The following PCDHA1 variants were observed in gnomAD, a reference collection of about 807,000 sequenced individuals.
PCDHA1 encodes the protein protocadherin alpha-1.
In PCDHA1, 42 loss-of-function variants were observed where a neutral mutation model predicts 61.3. That is an observed-to-expected ratio of 0.69 (90% CI 0.54 to 0.89). The LOEUF is 0.89. Ranked by LOEUF, PCDHA1 falls within the 40% of genes least tolerant of loss-of-function variation. The pLI is 0.00. For synonymous variants in PCDHA1, 610 were observed against 553.8 expected, an observed-to-expected ratio of 1.10 and a Z score of -1.43; for missense variants, 1,256 against 1,235.3, an observed-to-expected ratio of 1.02 and a Z score of -0.25.
In PCDHA1 at chr5:140,804,949, C is replaced by T. The variant is rs571726219; in HGVS notation, c.2394+16265C>T. ...GCACTATCCTTTGTTGCTCCCTTGT[C>T]CATGAAGTAGTAGCCATAGTGTGTC... On this transcript the variant is annotated intron_variant, in intron 1 of 3. Transcript: ENST00000504120. 5.4e-6 allele frequency: 7 copies of T among 1,297,142 alleles called. No individual in the cohort carries two copies. The Admixed American group carries it at 8.9e-5, about 16-fold the overall frequency. 80.4% of individuals were successfully genotyped at this position (1,297,142 alleles called of 1,614,324 possible).
At chr5:140,862,837 A>T (rs1562571150) in intron 1 of PCDHA1, 1 of 575,832 alleles carries the variant, frequency 1.7e-6, no homozygotes, top group African/African-American at 1.9e-5. Context: ...CGACGCGGGC[A>T]TGCCGCCTCT....
chr5:140,802,285 C>T lies in PCDHA1; in HGVS notation c.2394+13601C>T, dbSNP rs958561465. 2.5e-6 allele frequency: 4 copies of T among 1,614,112 alleles called. No homozygotes were observed. The African/African-American group carries it at 5.3e-5, about 22-fold the overall frequency. ...CTATCTTTACCTGTATTAGAAGACT[C>T]TCCACTTAGCACAGTCATCGCTCTG... On this transcript the variant is annotated intron_variant, in intron 1 of 3. Transcript: ENST00000504120.
At chr5:140,803,266 A>G in intron 1 of PCDHA1, 11 of 1,613,988 alleles carry the variant, frequency 6.8e-6, no homozygotes, top group Non-Finnish European at 9.3e-6. Flanking sequence ...ACGGGCCCGG[A>G]AGCTGCACTG....
chr5:140,876,326 T>C, intron 1 of PCDHA1: 4 of 1,614,046 alleles, frequency 2.5e-6, no homozygotes, highest in Non-Finnish European at 3.4e-6. Context: ...AAAATGATTT[T>C]GCCAGTGAGT....
At position 140,858,002 on chromosome 5, in the gene PCDHA1, G is replaced by A. The variant is rs782820218; in HGVS notation, c.2394+69318G>A. On this transcript the variant is annotated intron_variant, in intron 1 of 3. Transcript: ENST00000504120. The stretch of plus-strand genomic sequence containing the variant: ...CCAGCGCCTACTGGTGCTGGTGAAG[G>A]ACCATGGCGAGCCGTCGCTGACGGC... 1.9e-6 allele frequency: 3 copies of A among 1,596,800 alleles called. No homozygotes were observed. The Admixed American group carries it at 5.1e-5, about 27-fold the overall frequency.
Position 140,788,069 on chromosome 5 carries a change from G to A in PCDHA1, c.1779G>A (p.Lys593=), listed in dbSNP as rs1349920330. ...RLVGAGHVVA[K]VRAVDADSGY... ...TGGGTGCGGGTCATGTGGTGGCGAA[G>A]GTGCGCGCAGTGGACGCCGACTCGG... is the stretch of plus-strand genomic sequence containing the variant. Residue 593 remains lysine (K), a synonymous_variant, in exon 1 of 4, where the codon AAG becomes AAA. Transcript: ENST00000504120. The A allele has an allele frequency of 6.2e-7, 1 of 1,613,894 alleles. No homozygotes were observed. Among genetic ancestry groups the A allele is most frequent in the Non-Finnish European group, 8.5e-7 (1 of 1,179,914 alleles).
chr5:140,830,272 C>T (rs2150183943), intron 1 of PCDHA1: 3 of 1,613,840 alleles, frequency 1.9e-6, no homozygotes, highest in African/African-American at 2.7e-5. Flanking sequence ...CGGCGCCACC[C>T]ACCGAGGGCG....
At chr5:140,807,878 A>G in intron 1 of PCDHA1, 8 of 1,613,786 alleles carry the variant, frequency 5.0e-6, no homozygotes, top group Non-Finnish European at 6.8e-6. Flanking sequence ...GTTACTCATC[A>G]CAGTACTGGA....
chr5:140,969,557 A>G, intron 1 of PCDHA1: 2 of 1,212,410 alleles, frequency 1.6e-6, no homozygotes, highest in South Asian at 3.3e-5. Context: ...AGCCTTGTCC[A>G]TAAAATTGTT....
chr5:140,852,182 A>C, intron 1 of PCDHA1: 1 of 758,132 alleles, frequency 1.3e-6, no homozygotes. Context: ...AATAACTATG[A>C]AAATGCCAGT....
intron 1 of PCDHA1, among the ~76,000 whole-genome samples, chr5:140,907,298 A>T (rs138771358): frequency 0.017 from 2,638 of 152,276 alleles, 92 homozygotes; most frequent in African/African-American, 0.06. Context: ...CTGCTTCAGG[A>T]TGATGGGGAA....
Position 140,809,052 on chromosome 5 carries a change from TC to T in PCDHA1, c.2394+20370del, listed in dbSNP as rs1764348269. On this transcript the variant is annotated intron_variant, in intron 1 of 3. Transcript: ENST00000504120. ...GGGACTGGTGGCGCGCGCATCCCGTTCCGCGTGGGGCTGTACACTGGCGAGA... is the reference window on the plus strand; with the variant it reads ...GGGACTGGTGGCGCGCGCATCCCGTTCGCGTGGGGCTGTACACTGGCGAGA... 5.0e-6 allele frequency: 8 copies of T among 1,613,874 alleles called. No homozygotes were observed. The East Asian group carries it at 1.8e-4, about 36-fold the overall frequency.
At chr5:140,938,336 A>G (rs1251086891) in intron 1 of PCDHA1, among the ~76,000 whole-genome samples, 1 of 152,204 alleles carries the variant, frequency 6.6e-6, no homozygotes, top group African/African-American at 2.4e-5. Context: ...ATGTTAATGG[A>G]TAATCTTGTC....
chr5:140,876,961 C>G (rs782051302), intron 1 of PCDHA1: 16 of 1,613,036 alleles, frequency 9.9e-6, no homozygotes, highest in South Asian at 8.8e-5. Context: ...GCTGGTGGAG[C>G]GGCGGGTGGG....
intron 1 of PCDHA1, among the ~76,000 whole-genome samples, chr5:140,941,810 A>T (rs188836583): frequency 6.6e-5 from 10 of 152,356 alleles, no homozygotes; most frequent in Admixed American, 4.6e-4. Flanking sequence ...TGATTTCAGT[A>T]GGATGACTGC....
intron 1 of PCDHA1, chr5:140,809,123 C>G: frequency 6.2e-7 from 1 of 1,613,998 alleles, no homozygotes; most frequent in Non-Finnish European, 8.5e-7. Context: ...TCCGCGCCAC[C>G]GCCTACTGGT....
intron 1 of PCDHA1, among the ~76,000 whole-genome samples, chr5:140,894,725 G>A (rs3776121): frequency 0.31 from 47,403 of 151,506 alleles, 8,352 homozygotes; most frequent in East Asian, 0.53. Context: ...CAAATATTAC[G>A]TAGCAATTTG....
chr5:140,984,666 G>T (rs769681431), intron 3 of PCDHA1, among the ~76,000 whole-genome samples: 115 of 152,058 alleles, frequency 7.6e-4, no homozygotes, highest in Admixed American at 1.2e-3. Flanking sequence ...GTACTTTTAG[G>T]TTTTTAGGAC....
chr5:140,863,393 C>T (rs782189753), intron 1 of PCDHA1: 2 of 924,736 alleles, frequency 2.2e-6, no homozygotes, highest in African/African-American at 1.7e-5. Context: ...TCGTGCATGC[C>T]GGGCAAGCCC....
Sources: allele counts gnomAD v4.1 joint callset (sites outside exome capture counted in the v4.1 genomes callset), GRCh38; gene constraint gnomAD v4.1.1; transcripts MANE v1.5; gene names NCBI Gene and HGNC (gene_info 2026-07-23, HGNC 2026-07-21).